The following DOCK5 variants were observed in gnomAD, a reference collection of about 807,000 sequenced individuals.
The protein encoded by DOCK5 is dedicator of cytokinesis protein 5.
Under a neutral mutation model 251.8 loss-of-function variants are expected in DOCK5, and 142 were observed. The observed-to-expected ratio is 0.56, with a 90% CI of 0.49 to 0.65. The LOEUF (loss-of-function observed/expected upper bound fraction) is 0.65, where lower values mean the gene tolerates loss of function less well. DOCK5 is among the 30% of genes least tolerant of loss of function. The probability of loss-of-function intolerance (pLI) is 0.00; values close to 1 mark genes in which losing one functional copy is unlikely to be tolerated. For missense variants in DOCK5, 2,111 were observed against 2,312.3 expected, an observed-to-expected ratio of 0.91 and a Z score of 1.79; for synonymous variants, 842 against 835.5, an observed-to-expected ratio of 1.01 and a Z score of -0.13.
At position 25,260,173 on chromosome 8, in the gene DOCK5, AC is replaced by A. The variant is rs1803536538; in HGVS notation, c.128-8670del. On this transcript the variant is annotated intron_variant, in intron 2 of 51. Coordinates refer to ENST00000276440, the MANE Select transcript of DOCK5 (RefSeq NM_024940.8). Reference sequence around the variant, plus strand: ...TCAGCTTCTATTGGAAGGACAGCTCACCGGGGATGGGAGGACAGGATATGCC... The same window carrying A: ...TCAGCTTCTATTGGAAGGACAGCTCACGGGGATGGGAGGACAGGATATGCC... Among the ~76,000 whole-genome samples the A allele has an allele frequency of 3.3e-5, 5 of 151,740 alleles. No homozygotes were observed. In the South Asian group the frequency reaches 1.0e-3, roughly 31 times the overall value.
At chr8:25,239,146 G>T (rs1221968783) in intron 1 of DOCK5, among the ~76,000 whole-genome samples, 1 of 152,192 alleles carries the variant, frequency 6.6e-6, no homozygotes, top group African/African-American at 2.4e-5. Flanking sequence ...ACCATGGACT[G>T]AGCTCAGAAT....
At chr8:25,408,514 C>G (rs1489756893) in intron 49 of DOCK5, among the ~76,000 whole-genome samples, 1 of 152,136 alleles carries the variant, frequency 6.6e-6, no homozygotes, top group African/African-American at 2.4e-5. Flanking sequence ...TTAAATGTGG[C>G]AAGACCACCT....
At position 25,392,822 on chromosome 8, in the gene DOCK5, T is replaced by C. The variant is rs1202887456; in HGVS notation, c.4467T>C (p.Tyr1489=). ...FATMWIERTT[Y]TTAYTFPGIL... ...CGATGTGGATTGAACGGACCACGTA[T>C]ACGACTGCATATACCTTTCCTGGGA... Residue 1489 remains tyrosine, a synonymous_variant, in exon 44 of 52, where the codon TAT becomes TAC. Coordinates refer to ENST00000276440, the MANE Select transcript of DOCK5 (RefSeq NM_024940.8). 3.1e-5 allele frequency: 50 copies of C among 1,613,184 alleles called. No individual in the cohort carries two copies. Among genetic ancestry groups the C allele is most frequent in the Non-Finnish European group, 4.2e-5 (49 of 1,179,636 alleles).
chr8:25,316,098 AT>A (rs1359867633), intron 13 of DOCK5, among the ~76,000 whole-genome samples: 3 of 152,044 alleles, frequency 2.0e-5, no homozygotes, highest in African/African-American at 7.2e-5. Context: ...ATTAATTAAA[AT>A]TTTTTTTGCT....
intron 27 of DOCK5, among the ~76,000 whole-genome samples, chr8:25,353,460 TC>T (rs1431867469): frequency 2.0e-5 from 3 of 152,218 alleles, no homozygotes; most frequent in African/African-American, 7.2e-5. Context: ...CATCTTTTTC[TC>T]AAGGAAGTAT....
intron 2 of DOCK5, among the ~76,000 whole-genome samples, chr8:25,260,504 T>C (rs951478086): frequency 6.6e-6 from 1 of 152,220 alleles, no homozygotes; most frequent in Non-Finnish European, 1.5e-5. Flanking sequence ...AGCATCTGAA[T>C]GATGCTTTTC....
intron 2 of DOCK5, among the ~76,000 whole-genome samples, chr8:25,264,955 T>C (rs1803698395): frequency 6.6e-6 from 1 of 152,036 alleles, no homozygotes; most frequent in Non-Finnish European, 1.5e-5. Context: ...GTCTGATAAT[T>C]AATCTTGGCT....
chr8:25,321,590 C>T (rs890772983), intron 16 of DOCK5, among the ~76,000 whole-genome samples: 1 of 152,054 alleles, frequency 6.6e-6, no homozygotes, highest in African/African-American at 2.4e-5. Flanking sequence ...CAATAGGGTT[C>T]GGCTCCTGTG....
chr8:25,389,172 G>A lies in DOCK5; in HGVS notation c.4213G>A (p.Ala1405Thr). 6.2e-7 allele frequency: 1 copy of A among 1,614,022 alleles called. No individual in the cohort carries two copies. The highest frequency in any genetic ancestry group is 8.5e-7 in the Non-Finnish European group (1 of 1,179,890). ...SLRLLTQFPNAEKMTSTTPPG... is the reference protein window; with the variant it reads ...SLRLLTQFPNTEKMTSTTPPG... ...GAGGTTGTTAACCCAGTTCCCCAAT[G>A]CGGAGAAGATGACCAGTACCACGCC... The change falls in exon 41 of 52, where the codon GCG (alanine) becomes ACG (threonine). Residue 1405 changes from alanine (A) to threonine (T), a missense_variant. Coordinates refer to ENST00000276440, the MANE Select transcript of DOCK5 (RefSeq NM_024940.8).
intron 34 of DOCK5, among the ~76,000 whole-genome samples, chr8:25,371,019 A>G (rs1800863704): frequency 1.3e-5 from 2 of 151,980 alleles, no homozygotes; most frequent in South Asian, 4.2e-4. Flanking sequence ...TTGCTTTCTC[A>G]TGTTCCCTGA....
At chr8:25,214,271 T>C (rs1217911514) in intron 1 of DOCK5, among the ~76,000 whole-genome samples, 1 of 152,138 alleles carries the variant, frequency 6.6e-6, no homozygotes, top group East Asian at 1.9e-4. Context: ...AATTCTCTGC[T>C]TTGCCTGTTC....
chr8:25,268,054 G>T (rs1803808961), intron 2 of DOCK5, among the ~76,000 whole-genome samples: 1 of 151,912 alleles, frequency 6.6e-6, no homozygotes, highest in East Asian at 1.9e-4. Context: ...GTAGAGACGG[G>T]GTTTCACTAT....
chr8:25,367,487 G>A (rs770691880), intron 31 of DOCK5, among the ~76,000 whole-genome samples: 3 of 152,198 alleles, frequency 2.0e-5, no homozygotes, highest in Non-Finnish European at 2.9e-5. Flanking sequence ...TTGAGAGACT[G>A]GAATCCAAAG....
chr8:25,210,705 A>G lies in DOCK5; in HGVS notation c.43+25754A>G, dbSNP rs1476613726. 1.3e-4 allele frequency among the ~76,000 whole-genome samples: 9 copies of G among 71,000 alleles called. 4 individuals are homozygous for G. The allele number at this position is 71,000 out of a possible 152,430, so 46.6% of individuals were successfully genotyped here. ...CTTGAGCCTGGGAGGCAGAGGTTGC[A>G]GTGAGCTGAGGTGGCACCACTGCAC... is the stretch of plus-strand genomic sequence containing the variant. On this transcript the variant is annotated intron_variant, in intron 1 of 51. Coordinates refer to ENST00000276440, the MANE Select transcript of DOCK5 (RefSeq NM_024940.8).
chr8:25,186,349 CTT>C (rs778162063), intron 1 of DOCK5, among the ~76,000 whole-genome samples: 1,541 of 124,762 alleles, frequency 0.012, 28 homozygotes, highest in African/African-American at 0.042. Flanking sequence ...CCTCAGGGCT[CTT>C]TTTTTTTTTT....
rs774685160 is a variant in DOCK5, at chr8:25,345,439, C to G, written c.2618-36C>G. On this transcript the variant is annotated intron_variant, in intron 25 of 51. Transcript: ENST00000276440. The stretch of plus-strand genomic sequence containing the variant: ...GAGACAGGCAGTTCAGGAGGTGGCA[C>G]TGCTGTGTGTGAGCTGTCTGTGTTT... 3 of 1,609,988 alleles carry G rather than the reference C, an allele frequency of 1.9e-6. No homozygotes were observed. The East Asian group carries it at 6.7e-5, about 36-fold the overall frequency.
chr8:25,255,171 C>T (rs1204998812), intron 2 of DOCK5, among the ~76,000 whole-genome samples: 1 of 152,182 alleles, frequency 6.6e-6, no homozygotes, highest in African/African-American at 2.4e-5. Context: ...TAAACACACT[C>T]TCATCACACA....
chr8:25,301,881 T>C (rs1804774358), intron 9 of DOCK5, among the ~76,000 whole-genome samples: 1 of 152,204 alleles, frequency 6.6e-6, no homozygotes, highest in African/African-American at 2.4e-5. Context: ...TGGGCTTGTT[T>C]TGAAGAGGAA....
Position 25,411,230 on chromosome 8 carries a change from G to A in DOCK5, c.5545G>A (p.Ala1849Thr). ...ACTGCCTGTCCGAAGAGAAGCCAAAGCACCACCCCCTCCACCTCCAAAGGC... is the reference window on the plus strand; with the variant it reads ...ACTGCCTGTCCGAAGAGAAGCCAAAACACCACCCCCTCCACCTCCAAAGGC... ...PPLPVRREAK[A>T]PPPPPPKARK... The change falls in exon 52 of 52, where the codon GCA becomes ACA. Residue 1849 changes from alanine to threonine, a missense_variant. Physicochemically the swap from Ala to Thr is moderately conservative, Grantham distance 58 (BLOSUM62 0). Coordinates refer to ENST00000276440, the MANE Select transcript of DOCK5 (RefSeq NM_024940.8). 6.3e-7 allele frequency: 1 copy of A among 1,591,682 alleles called. No homozygotes were observed. The highest frequency in any genetic ancestry group is 8.5e-7 in the Non-Finnish European group (1 of 1,170,810).
Sources: gnomAD v4.1 joint callset for allele counts (sites outside exome capture counted in the v4.1 genomes callset) on GRCh38, gnomAD v4.1.1 for gene constraint, MANE v1.5 for transcripts, NCBI Gene and HGNC (gene_info 2026-07-23, HGNC 2026-07-21) for gene names.